HNRNPLL: variants seen among roughly 807,000 people sequenced by gnomAD.
The protein encoded by HNRNPLL is heterogeneous nuclear ribonucleoprotein L-like.
In HNRNPLL, 25 loss-of-function variants were observed where a neutral mutation model predicts 67.1. That is an observed-to-expected ratio of 0.37 (90% CI 0.27 to 0.52). HNRNPLL has a LOEUF of 0.52. Among genes scored for constraint, HNRNPLL ranks in the 20% least tolerant of loss-of-function variants. The pLI, the probability that HNRNPLL is intolerant of heterozygous loss-of-function variation, is 0.90. For missense variants in HNRNPLL, 542 were observed against 673.9 expected (o/e 0.80, Z 2.17); for synonymous variants, 267 against 241.7 (o/e 1.10, Z -0.97).
rs1331750923 is a variant in HNRNPLL at position 38,581,934 on chromosome 2, T to C, written c.781A>G (p.Lys261Glu). ...RNDNDSWDYT[K>E]PYLGRRDRGK... ...CTACCTCGTCTTCCCAAATATGGTT[T>C]AGTGTAGTCCCAACTGTCATTGTCA... Residue 261 changes from lysine to glutamate, a missense_variant, in exon 6 of 13, where the codon AAA becomes GAA. By Grantham distance (56) the Lys-to-Glu change is moderately conservative (BLOSUM62 1). This residue lies in a region of HNRNPLL where 415 missense variants were observed against 575.2 expected (regional missense o/e 0.72). Coordinates refer to ENST00000449105, the MANE Select transcript of HNRNPLL (RefSeq NM_138394.4). 8.1e-6 allele frequency: 13 copies of C among 1,611,654 alleles called. No individual in the cohort carries two copies. The highest frequency in any genetic ancestry group is 1.1e-5 in the Non-Finnish European group (13 of 1,177,818).
chr2:38,598,368 C>T (rs966734651), intron 1 of HNRNPLL, among the ~76,000 whole-genome samples: 1 of 152,184 alleles, frequency 6.6e-6, no homozygotes, highest in African/African-American at 2.4e-5. Flanking sequence ...GTCCCTATGA[C>T]ATCATCCAAA....
intron 8 of HNRNPLL, among the ~76,000 whole-genome samples, chr2:38,570,623 G>C (rs757027773): frequency 2.2e-4 from 34 of 152,138 alleles, no homozygotes; most frequent in Admixed American, 6.5e-5. Context: ...GGGTTAGAAG[G>C]TATGAAGTAT....
At chr2:38,585,961 G>GAC in intron 2 of HNRNPLL, 80 bp from the exon 3 acceptor site, 1 of 866,984 alleles carries the variant, frequency 1.2e-6, no homozygotes, top group Non-Finnish European at 1.9e-6. Flanking sequence ...AGTAAAAGCA[G>GAC]ACTTTAATAA....
rs541423935 is a variant in HNRNPLL at position 38,583,738 on chromosome 2, G to T, written c.632+103C>A. 3.3e-4 allele frequency: 165 copies of T among 505,962 alleles called. 1 individual carries two copies. The highest frequency in any genetic ancestry group is 5.5e-4 in the Non-Finnish European group (155 of 282,514). 31.3% of individuals were successfully genotyped at this position (505,962 alleles called of 1,614,324 possible). A position where few individuals can be genotyped will look rare whatever the true frequency, so the allele number is the denominator to read the frequency against. On this transcript the variant is annotated intron_variant, in intron 4 of 12. Transcript: ENST00000449105. ...TTAAAGCTAAGTCACGTAGATTTTT[G>T]TGAGAGGACAAAGTAAACACCACTT... is the stretch of plus-strand genomic sequence containing the variant.
intron 7 of HNRNPLL, among the ~76,000 whole-genome samples, chr2:38,576,709 A>G (rs947416119): frequency 1.3e-5 from 2 of 151,936 alleles, no homozygotes; most frequent in Admixed American, 6.6e-5. Context: ...ACCAATCCCA[A>G]GACTACAATA....
At chr2:38,569,964 C>A (rs1453619043) in intron 8 of HNRNPLL, 39 bp from the exon 9 acceptor site, 1 of 1,478,736 alleles carries the variant, frequency 6.8e-7, no homozygotes, top group Non-Finnish European at 9.2e-7. Context: ...CCATTTAATT[C>A]CCTTTTACAG....
chr2:38,598,214 G>T (rs1330639502), intron 1 of HNRNPLL, among the ~76,000 whole-genome samples: 1 of 152,094 alleles, frequency 6.6e-6, no homozygotes, highest in Non-Finnish European at 1.5e-5. Flanking sequence ...GGGGGAAGAG[G>T]GGAAGATCAA....
intron 7 of HNRNPLL, among the ~76,000 whole-genome samples, chr2:38,574,819 C>T (rs1032497244): frequency 1.3e-5 from 2 of 151,760 alleles, no homozygotes; most frequent in African/African-American, 2.4e-5. Context: ...TCCATATGAG[C>T]GACTGTTTAG....
intron 8 of HNRNPLL, among the ~76,000 whole-genome samples, chr2:38,572,262 A>T (rs1358622832): frequency 2.0e-5 from 3 of 152,040 alleles, no homozygotes; most frequent in African/African-American, 7.2e-5. Context: ...ATGGTTGACA[A>T]AATTCTTGTT....
intron 1 of HNRNPLL, among the ~76,000 whole-genome samples, chr2:38,592,173 T>G (rs1405394470): frequency 6.6e-6 from 1 of 152,210 alleles, no homozygotes; most frequent in Non-Finnish European, 1.5e-5. Flanking sequence ...CAGTAAGAAG[T>G]ACAAAGATGT....
At chr2:38,595,272 TAAAAAAA>T (rs70954734) in intron 1 of HNRNPLL, among the ~76,000 whole-genome samples, 88 of 68,772 alleles carry the variant, frequency 1.3e-3, no homozygotes, top group Non-Finnish European at 4.4e-4. Flanking sequence ...AGACCTTGTC[TAAAAAAA>T]AAAAAAAAAA....
At position 38,564,086 on chromosome 2, in the gene HNRNPLL, C is replaced by A. The variant is rs555903607; in HGVS notation, c.*96G>T. ...GAACAGGATCTTAAAGTAAGCAAGGCAACATGAGATCAACCATTTTAGATT... is the reference window on the plus strand; with the variant it reads ...GAACAGGATCTTAAAGTAAGCAAGGAAACATGAGATCAACCATTTTAGATT... On this transcript the variant is annotated 3_prime_UTR_variant, in exon 13 of 13. Coordinates refer to ENST00000449105, the MANE Select transcript of HNRNPLL (RefSeq NM_138394.4). 2 of 793,690 alleles carry A rather than the reference C, an allele frequency of 2.5e-6. No homozygotes were observed. Among genetic ancestry groups the A allele is most frequent in the East Asian group, 5.0e-5 (2 of 40,172 alleles). 49.2% of individuals were successfully genotyped at this position (793,690 alleles called of 1,614,324 possible).
intron 2 of HNRNPLL, among the ~76,000 whole-genome samples, chr2:38,586,487 T>C (rs1666739500): frequency 6.6e-6 from 1 of 152,166 alleles, no homozygotes; most frequent in Non-Finnish European, 1.5e-5. Context: ...GAAGCAGTAT[T>C]AGAAAATTTC....
rs1215797549 is a variant in HNRNPLL at position 38,566,821 on chromosome 2, TA to T, written c.1573+1377del. On this transcript the variant is annotated intron_variant, in intron 12 of 12. Coordinates refer to ENST00000449105, the MANE Select transcript of HNRNPLL (RefSeq NM_138394.4). ...CAACACAGTGAGACCTTGTCTCTAT[TA>T]AAAAAAAAAAAAATTAAAAATAAAA... Among the ~76,000 whole-genome samples, 274 of 135,490 alleles carry T rather than the reference TA, an allele frequency of 2.0e-3. 1 individual carries two copies. Among genetic ancestry groups the T allele is most frequent in the African/African-American group, 4.0e-3 (148 of 36,882 alleles). 88.9% of individuals were successfully genotyped at this position (135,490 alleles called of 152,430 possible).
intron 1 of HNRNPLL, among the ~76,000 whole-genome samples, chr2:38,599,628 T>C (rs1667345151): frequency 6.6e-6 from 1 of 152,204 alleles, no homozygotes; most frequent in Admixed American, 6.5e-5. Context: ...TTATTTCTCA[T>C]ATCCAAAGTA....
intron 7 of HNRNPLL, among the ~76,000 whole-genome samples, chr2:38,574,878 C>T (rs1286304926): frequency 1.3e-5 from 2 of 151,792 alleles, no homozygotes; most frequent in Non-Finnish European, 2.9e-5. Context: ...CTAATTTAGA[C>T]TCTCATACAC....
intron 1 of HNRNPLL, among the ~76,000 whole-genome samples, chr2:38,598,539 G>A (rs1357153856): frequency 6.6e-6 from 1 of 152,002 alleles, no homozygotes; most frequent in Non-Finnish European, 1.5e-5. Flanking sequence ...TTTCATGGAG[G>A]CAAAAAAAGC....
intron 8 of HNRNPLL, among the ~76,000 whole-genome samples, chr2:38,572,090 C>G (rs1034503324): frequency 3.9e-5 from 6 of 152,146 alleles, no homozygotes; most frequent in African/African-American, 1.4e-4. Flanking sequence ...AACACTTGGG[C>G]CTAAGATAGT....
At position 38,581,926 on chromosome 2, in the gene HNRNPLL, A is replaced by G. The variant is rs571186442; in HGVS notation, c.789T>C (p.Tyr263=). The G allele has an allele frequency of 2.2e-5, 36 of 1,610,072 alleles. No homozygotes were observed. Among genetic ancestry groups the G allele is most frequent in the Non-Finnish European group, 2.9e-5 (34 of 1,176,400 alleles). Residue 263 remains tyrosine, a synonymous_variant, in exon 6 of 13, where the codon TAT becomes TAC. Coordinates refer to ENST00000449105, the MANE Select transcript of HNRNPLL (RefSeq NM_138394.4). ...DNDSWDYTKP[Y]LGRRDRGKGR... ...TAAAATACCTACCTCGTCTTCCCAAATATGGTTTAGTGTAGTCCCAACTGT... is the reference window on the plus strand; with the variant it reads ...TAAAATACCTACCTCGTCTTCCCAAGTATGGTTTAGTGTAGTCCCAACTGT...
Sources: gnomAD v4.1 joint callset for allele counts (sites outside exome capture counted in the v4.1 genomes callset) on GRCh38, gnomAD v4.1.1 for gene constraint, gnomAD v4.1.1 regional missense constraint, MANE v1.5 for transcripts, NCBI Gene and HGNC (gene_info 2026-07-23, HGNC 2026-07-21) for gene names.